The following CTDP1 variants were observed in gnomAD, a reference collection of about 807,000 sequenced individuals.
CTDP1 encodes RNA polymerase II subunit A C-terminal domain phosphatase.
In CTDP1, 47 loss-of-function variants were observed where a neutral mutation model predicts 91.8. That is an observed-to-expected ratio of 0.51 (90% CI 0.41 to 0.65). The LOEUF (loss-of-function observed/expected upper bound fraction) is 0.65, where lower values mean the gene tolerates loss of function less well. Among genes scored for constraint, CTDP1 ranks in the 30% least tolerant of loss-of-function variants. The pLI is 0.00. For missense variants in CTDP1, 1,272 were observed against 1,373.7 expected (o/e 0.93, Z 1.17); for synonymous variants, 656 against 598.5 (o/e 1.10, Z -1.40).
intron 5 of CTDP1, among the ~76,000 whole-genome samples, chr18:79,705,770 T>TTTG (rs1352256779): frequency 6.6e-6 from 1 of 152,188 alleles, no homozygotes; most frequent in Non-Finnish European, 1.5e-5. Context: ...GTCTTAGTCT[T>TTTG]TTGTTGTTGT....
Position 79,719,386 on chromosome 18 carries a change from C to T in CTDP1, c.2417+1370C>T, listed in dbSNP as rs115931608. Among the ~76,000 whole-genome samples the T allele has an allele frequency of 6.0e-3, 907 of 151,722 alleles. 7 individuals are homozygous for T. Among genetic ancestry groups the T allele is most frequent in the African/African-American group, 0.02 (844 of 41,326 alleles). ...GGCTTCCCGTGCGGCAGCCTGGCGACGCTCTGGGACCTAGGGGGTGGGGGG... is the reference window on the plus strand; with the variant it reads ...GGCTTCCCGTGCGGCAGCCTGGCGATGCTCTGGGACCTAGGGGGTGGGGGG... On this transcript the variant is annotated intron_variant, in intron 10 of 12. Coordinates refer to ENST00000613122, the MANE Select transcript of CTDP1 (RefSeq NM_004715.5).
Position 79,721,018 on chromosome 18 carries a change from G to T in CTDP1, c.2417+3002G>T, listed in dbSNP as rs550818865. ...ACAGCCGAATGAGGGGGCGCCTGGGGCAGGGTCCAGAAGGGCCCTGAGCAT... is the reference window on the plus strand; with the variant it reads ...ACAGCCGAATGAGGGGGCGCCTGGGTCAGGGTCCAGAAGGGCCCTGAGCAT... On this transcript the variant is annotated intron_variant, in intron 10 of 12. Coordinates refer to ENST00000613122, the MANE Select transcript of CTDP1 (RefSeq NM_004715.5). Among the ~76,000 whole-genome samples, 496 of 152,322 alleles carry T rather than the reference G, an allele frequency of 3.3e-3. 2 individuals carry two copies. Among genetic ancestry groups the T allele is most frequent in the Non-Finnish European group, 5.1e-3 (344 of 68,030 alleles).
chr18:79,714,223 T>C (rs925811760), intron 7 of CTDP1, among the ~76,000 whole-genome samples: 41 of 152,258 alleles, frequency 2.7e-4, no homozygotes, highest in African/African-American at 9.1e-4. Flanking sequence ...GTATTTTGGA[T>C]TTTTTGGATT....
chr18:79,734,327 A>C (rs954666868), intron 11 of CTDP1, among the ~76,000 whole-genome samples: 2 of 152,220 alleles, frequency 1.3e-5, no homozygotes, highest in African/African-American at 4.8e-5. Flanking sequence ...CCTTTTTTGT[A>C]AAAACAAGCC....
intron 1 of CTDP1, among the ~76,000 whole-genome samples, chr18:79,694,305 C>A (rs1259559617): frequency 9.4e-6 from 1 of 106,614 alleles, no homozygotes; most frequent in Non-Finnish European, 2.0e-5. Flanking sequence ...GGTCTCATGT[C>A]CACGGGGTGG....
chr18:79,710,686 A>ATTTTTTTTTTTT (rs11306504), intron 6 of CTDP1, among the ~76,000 whole-genome samples: 8 of 88,504 alleles, frequency 9.0e-5, no homozygotes, highest in Admixed American at 1.6e-4. Flanking sequence ...TCGCCCGGCA[A>ATTTTTTTTTTTT]TTTTTTTTTT....
intron 10 of CTDP1, among the ~76,000 whole-genome samples, chr18:79,728,698 G>T (rs575321067): frequency 2.0e-5 from 3 of 148,982 alleles, no homozygotes; most frequent in Admixed American, 6.8e-5. Context: ...AGTCAGAAAC[G>T]TGTTTTGCCA....
At chr18:79,744,044 G>C (rs2086833470) in intron 12 of CTDP1, among the ~76,000 whole-genome samples, 1 of 152,194 alleles carries the variant, frequency 6.6e-6, no homozygotes, top group Admixed American at 6.5e-5. Context: ...ACTGAGACAG[G>C]TGCAGATCTG....
At chr18:79,687,921 G>A (rs556029301) in intron 1 of CTDP1, among the ~76,000 whole-genome samples, 31 of 152,336 alleles carry the variant, frequency 2.0e-4, no homozygotes, top group Admixed American at 5.2e-4. Flanking sequence ...GACGTGCTGG[G>A]AACTGGTTTT....
chr18:79,732,841 T>C (rs1430852344), intron 11 of CTDP1, among the ~76,000 whole-genome samples: 2 of 147,616 alleles, frequency 1.4e-5, no homozygotes, highest in Non-Finnish European at 3.0e-5. Context: ...AACTCAGCTG[T>C]CACCAGGAGC....
chr18:79,681,191 C>T (rs150468104), intron 1 of CTDP1, among the ~76,000 whole-genome samples: 3 of 152,370 alleles, frequency 2.0e-5, no homozygotes, highest in Non-Finnish European at 4.4e-5. Context: ...AGAGTGAGGA[C>T]TGGGACAGGA....
At chr18:79,710,127 C>T (rs1253906304) in intron 5 of CTDP1, among the ~76,000 whole-genome samples, 1 of 152,106 alleles carries the variant, frequency 6.6e-6, no homozygotes, top group Non-Finnish European at 1.5e-5. Flanking sequence ...GAATTATAAA[C>T]ACTTATCAAC....
chr18:79,679,123 T>G, upstream of CTDP1: 1 of 265,574 alleles, frequency 3.8e-6, no homozygotes, highest in Non-Finnish European at 7.6e-6. Flanking sequence ...CCCGCTGCGG[T>G]CCGATTTTCT....
At position 79,709,077 on chromosome 18, in the gene CTDP1, G is replaced by A. The variant is rs148111330; in HGVS notation, c.773-1269G>A. On this transcript the variant is annotated intron_variant, in intron 5 of 12. Transcript: ENST00000613122. ...TCTTTTTGAGGCTTCATAATTAACC[G>A]TAGCTTTTTCTCTCCAGAATGTTTT... Among the ~76,000 whole-genome samples, 78 of 152,294 alleles carry A rather than the reference G, an allele frequency of 5.1e-4. No individual in the cohort carries two copies. In the East Asian group the frequency reaches 7.7e-3, roughly 15 times the overall value.
chr18:79,735,415 C>CG (rs1238927661), intron 11 of CTDP1, among the ~76,000 whole-genome samples: 1 of 152,240 alleles, frequency 6.6e-6, no homozygotes, highest in Non-Finnish European at 1.5e-5. Context: ...GAGCTGTGAG[C>CG]GGGGCCGTGC....
intron 1 of CTDP1, among the ~76,000 whole-genome samples, chr18:79,683,501 CT>C (rs1026086889): frequency 2.0e-5 from 3 of 152,164 alleles, no homozygotes; most frequent in African/African-American, 7.2e-5. Flanking sequence ...AAGGAGGTCC[CT>C]TTTAACAGGG....
chr18:79,700,721 C>T (rs747558474), intron 4 of CTDP1, among the ~76,000 whole-genome samples: 1 of 152,192 alleles, frequency 6.6e-6, no homozygotes, highest in Non-Finnish European at 1.5e-5. Context: ...CGCTAAACAA[C>T]AGATTTTCAG....
intron 3 of CTDP1, among the ~76,000 whole-genome samples, chr18:79,696,474 C>A (rs1337962500): frequency 6.6e-6 from 1 of 150,514 alleles, no homozygotes; most frequent in African/African-American, 2.4e-5. Flanking sequence ...CCCGGGAGGG[C>A]AAAGCGCATA....
At chr18:79,693,348 A>G (rs2085662464) in intron 1 of CTDP1, among the ~76,000 whole-genome samples, 1 of 152,088 alleles carries the variant, frequency 6.6e-6, no homozygotes, top group Non-Finnish European at 1.5e-5. Flanking sequence ...TTCATTGTAA[A>G]GTATTTTGAT....
Sources: allele counts gnomAD v4.1 joint callset (sites outside exome capture counted in the v4.1 genomes callset), GRCh38; gene constraint gnomAD v4.1.1; transcripts MANE v1.5; gene names NCBI Gene and HGNC (gene_info 2026-07-23, HGNC 2026-07-21).